The following ATF7IP variants were observed in gnomAD, a reference collection of about 807,000 sequenced individuals.
ATF7IP encodes the protein activating transcription factor 7 interacting protein.
A neutral mutation model predicts 106.4 loss-of-function variants in ATF7IP; 23 were observed. The observed-to-expected ratio is 0.22, with a 90% confidence interval of 0.16 to 0.31. ATF7IP has a LOEUF of 0.31. Among genes scored for constraint, ATF7IP ranks in the 10% least tolerant of loss-of-function variants. ATF7IP has a pLI of 1.00. For synonymous variants in ATF7IP, 542 were observed against 539.0 expected (o/e 1.01, Z -0.08); for missense variants, 1,334 against 1,524.3 (o/e 0.88, Z 2.08).
intron 2 of ATF7IP, among the ~76,000 whole-genome samples, chr12:14,427,629 G>T (rs1290886431): frequency 1.3e-5 from 2 of 152,188 alleles, no homozygotes; most frequent in East Asian, 3.9e-4. Context: ...CTCCCAAAGT[G>T]CTGGGATTAC....
rs1945061585 is a variant in ATF7IP, at chr12:14,497,991, G to A, written c.3731G>A (p.Arg1244Gln). The A allele has an allele frequency of 1.9e-6, 3 of 1,614,086 alleles. No individual in the cohort carries two copies. The highest frequency in any genetic ancestry group is 1.7e-6 in the Non-Finnish European group (2 of 1,179,946). Residue 1244 changes from arginine (R) to glutamine (Q), a missense_variant, in exon 15 of 15, where the codon CGA becomes CAA. By Grantham distance (43) the Arg-to-Gln change is conservative. Coordinates refer to ENST00000261168, the MANE Select transcript of ATF7IP (RefSeq NM_018179.5). ...GGTAGCAAATACTACTTTGCAGTAC[G>A]AGCCAAGGATATTTATGGACGTTTT... ...VSGSKYYFAV[R>Q]AKDIYGRFGP...
At chr12:14,390,744 T>A (rs1468932517) in intron 1 of ATF7IP, among the ~76,000 whole-genome samples, 2 of 152,276 alleles carry the variant, frequency 1.3e-5, no homozygotes, top group Non-Finnish European at 2.9e-5. Flanking sequence ...ACTTTATTTT[T>A]GTTGAAAACT....
At chr12:14,478,196 TC>T (rs1285501770) in intron 11 of ATF7IP, 120 bp from the exon 12 acceptor site, 2 of 855,820 alleles carry the variant, frequency 2.3e-6, no homozygotes, top group African/African-American at 3.4e-5. Flanking sequence ...AATAAATTAT[TC>T]TCTTAGAGGT....
intron 13 of ATF7IP, among the ~76,000 whole-genome samples, chr12:14,486,867 T>TAG (rs1197265452): frequency 6.6e-6 from 1 of 152,110 alleles, no homozygotes; most frequent in African/African-American, 2.4e-5. Context: ...GACGAGCAAT[T>TAG]AGAGGGCTCT....
rs758021601 is a variant in ATF7IP, at chr12:14,466,534, A to G, written c.2806A>G (p.Thr936Ala). The G allele has an allele frequency of 2.1e-5, 34 of 1,599,518 alleles. No individual in the cohort carries two copies. The highest frequency in any genetic ancestry group is 3.6e-5 in the Admixed American group (2 of 56,266). ...CTTTTTTTACTTTTCAGAAAACCAG[A>G]CAAACAAAACAATAGATGCTTCTGT... Reference protein sequence around the residue: ...SNTTPRIENQTNKTIDASVSK... With the variant: ...SNTTPRIENQANKTIDASVSK... The change falls in exon 10 of 15, where the codon ACA (threonine) becomes GCA (alanine). Residue 936 changes from threonine (T) to alanine (A), a missense_variant. Around this residue, in one of 10 missense-constraint regions of ATF7IP, gnomAD observed 370 missense variants for 401.2 expected, o/e 0.92. Coordinates refer to ENST00000261168, the MANE Select transcript of ATF7IP (RefSeq NM_018179.5).
rs368333581 is a variant in ATF7IP, at chr12:14,489,793, G to A, written c.3281-6438G>A. Among the ~76,000 whole-genome samples, 197 of 152,306 alleles carry A rather than the reference G, an allele frequency of 1.3e-3. 8 individuals are homozygous for A. In the South Asian group the frequency reaches 0.028, roughly 21 times the overall value. On this transcript the variant is annotated intron_variant, in intron 13 of 14. Transcript: ENST00000261168. ...AGCCCACTGCTGCACTTACTCAGCC[G>A]TACAGTGAGTGCCTTGGTTAGAGTC...
At chr12:14,474,251 G>GC (rs1944169847) in intron 10 of ATF7IP, among the ~76,000 whole-genome samples, 1 of 150,894 alleles carries the variant, frequency 6.6e-6, no homozygotes, top group Admixed American at 6.6e-5. Context: ...AGTTTTTCCT[G>GC]CCCCCTCCAA....
chr12:14,491,179 C>T (rs1295305841), intron 13 of ATF7IP, among the ~76,000 whole-genome samples: 1 of 152,206 alleles, frequency 6.6e-6, no homozygotes, highest in Non-Finnish European at 1.5e-5. Context: ...GGACCTGCTG[C>T]AGAGCCTTCT....
chr12:14,461,951 A>G (rs1943655257), intron 9 of ATF7IP, among the ~76,000 whole-genome samples: 1 of 152,176 alleles, frequency 6.6e-6, no homozygotes, highest in Non-Finnish European at 1.5e-5. Flanking sequence ...TCTAAAGTAC[A>G]AAATTACTTT....
chr12:14,444,807 C>T (rs942001226), intron 5 of ATF7IP, among the ~76,000 whole-genome samples: 9 of 151,922 alleles, frequency 5.9e-5, no homozygotes, highest in African/African-American at 2.2e-4. Flanking sequence ...AAAATGAGGT[C>T]CTTAGTTCAT....
At chr12:14,382,522 A>G (rs912535357) in intron 1 of ATF7IP, among the ~76,000 whole-genome samples, 1 of 152,218 alleles carries the variant, frequency 6.6e-6, no homozygotes, top group Non-Finnish European at 1.5e-5. Context: ...AGTGCCCTAC[A>G]AAAGTTATTT....
rs1945115354 is a variant in ATF7IP, at chr12:14,499,766, GTGAGC to G, written c.*1698_*1702del. The G allele has an allele frequency of 3.3e-5, 5 of 152,352 alleles. No homozygotes were observed. Among genetic ancestry groups the G allele is most frequent in the African/African-American group, 1.2e-4 (5 of 41,542 alleles). The allele number at this position is 152,352 out of a possible 1,614,324, so 9.4% of individuals were successfully genotyped here. A position where few individuals can be genotyped will look rare whatever the true frequency, so the allele number is the denominator to read the frequency against. ...TTGAACCCGGGAGGCGGAGGTTGCA[GTGAGC>G]TGAGATTGCGCCATTGCACTCCATC... On this transcript the variant is annotated 3_prime_UTR_variant, in exon 15 of 15. Coordinates refer to ENST00000261168, the MANE Select transcript of ATF7IP (RefSeq NM_018179.5).
chr12:14,455,865 G>A (rs12366507), intron 6 of ATF7IP, among the ~76,000 whole-genome samples: 66,796 of 151,860 alleles, frequency 0.44, 14,822 homozygotes, highest in Admixed American at 0.52. Flanking sequence ...CTAGTATTAC[G>A]GGTGTGAGCC....
At chr12:14,402,812 G>A (rs1940328362) in intron 1 of ATF7IP, among the ~76,000 whole-genome samples, 2 of 151,986 alleles carry the variant, frequency 1.3e-5, no homozygotes, top group African/African-American at 4.8e-5. Flanking sequence ...TGTCCAGGCT[G>A]GTCTTGAACT....
intron 13 of ATF7IP, among the ~76,000 whole-genome samples, chr12:14,485,326 T>C (rs1944565255): frequency 6.6e-6 from 1 of 151,912 alleles, no homozygotes; most frequent in African/African-American, 2.4e-5. Context: ...TGCCTCTTTC[T>C]TGGTTGTAGG....
chr12:14,402,562 A>G (rs1038945116), intron 1 of ATF7IP, among the ~76,000 whole-genome samples: 8 of 151,358 alleles, frequency 5.3e-5, no homozygotes, highest in African/African-American at 1.9e-4. Flanking sequence ...AGACAGTTCT[A>G]ATATGTCATG....
At chr12:14,484,303 G>A (rs963133110) in intron 13 of ATF7IP, among the ~76,000 whole-genome samples, 1 of 152,132 alleles carries the variant, frequency 6.6e-6, no homozygotes, top group African/African-American at 2.4e-5. Context: ...GGGGTGGCTG[G>A]GGAAAGAGGC....
At chr12:14,472,755 A>G (rs1292533774) in intron 10 of ATF7IP, among the ~76,000 whole-genome samples, 1 of 152,156 alleles carries the variant, frequency 6.6e-6, no homozygotes, top group Non-Finnish European at 1.5e-5. Context: ...TATGTCTGGC[A>G]TATTTAAACC....
intron 1 of ATF7IP, among the ~76,000 whole-genome samples, chr12:14,394,702 T>G (rs1386599124): frequency 6.6e-6 from 1 of 152,140 alleles, no homozygotes; most frequent in Non-Finnish European, 1.5e-5. Context: ...AAGAACAGAG[T>G]TGATACATTA....
Sources: allele counts gnomAD v4.1 joint callset (sites outside exome capture counted in the v4.1 genomes callset), GRCh38; gene constraint gnomAD v4.1.1; regional missense constraint gnomAD v4.1.1; transcripts MANE v1.5; gene names NCBI Gene and HGNC (gene_info 2026-07-23, HGNC 2026-07-21).